Variants in LRP1B observed in about 807,000 individuals in gnomAD.
LRP1B encodes low-density lipoprotein receptor-related protein 1B.
Under a neutral mutation model 556.6 loss-of-function variants are expected in LRP1B, and 217 were observed. The observed-to-expected ratio is 0.39, with a 90% CI of 0.35 to 0.44. LRP1B has a LOEUF of 0.44. Among genes scored for constraint, LRP1B ranks in the 20% least tolerant of loss-of-function variants. The probability of loss-of-function intolerance (pLI) is 1.00; values close to 1 mark genes in which losing one functional copy is unlikely to be tolerated. For synonymous variants in LRP1B, 2,047 were observed against 1,865.8 expected (o/e 1.10, Z -2.50); for missense variants, 5,053 against 5,620.8 (o/e 0.90, Z 3.23).
intron 43 of LRP1B, among the ~76,000 whole-genome samples, chr2:140,554,323 C>T (rs913167714): frequency 2.7e-5 from 4 of 147,120 alleles, no homozygotes; most frequent in African/African-American, 8.0e-5. Context: ...ATTTTCTTGC[C>T]GTTATGTATG....
At chr2:141,864,580 CT>C (rs1292754748) in intron 1 of LRP1B, among the ~76,000 whole-genome samples, 1 of 135,572 alleles carries the variant, frequency 7.4e-6, no homozygotes. Context: ...AAAAAAAAAA[CT>C]TATGAAACTG....
rs183869729 is a variant in LRP1B at position 141,696,511 on chromosome 2, G to T, written c.205+113768C>A. On this transcript the variant is annotated intron_variant, in intron 2 of 90. Transcript: ENST00000389484. ...TCCACATTATTAATTCTGGTTTACC[G>T]TTCTGGACAATTTAAATTATTAACA... Among the ~76,000 whole-genome samples the T allele has an allele frequency of 2.5e-3, 383 of 151,846 alleles. 4 individuals are homozygous for T. The highest frequency in any genetic ancestry group is 5.2e-3 in the South Asian group (25 of 4,816).
intron 13 of LRP1B, among the ~76,000 whole-genome samples, chr2:141,014,270 A>C (rs1264560402): frequency 6.6e-6 from 1 of 152,088 alleles, no homozygotes; most frequent in Non-Finnish European, 1.5e-5. Flanking sequence ...GGCAGAAAAG[A>C]TGGTAAAGAT....
chr2:141,337,171 T>C (rs1687876960), intron 3 of LRP1B, among the ~76,000 whole-genome samples: 1 of 152,126 alleles, frequency 6.6e-6, no homozygotes, highest in Non-Finnish European at 1.5e-5. Context: ...AAAAGATGAG[T>C]TTCAATTGCT....
chr2:141,515,107 A>C (rs1427861516), intron 2 of LRP1B, among the ~76,000 whole-genome samples: 1 of 152,170 alleles, frequency 6.6e-6, no homozygotes, highest in Non-Finnish European at 1.5e-5. Flanking sequence ...GTTTGAGACC[A>C]GATTGACCAA....
chr2:140,508,509 A>T (rs2104911939), intron 52 of LRP1B, among the ~76,000 whole-genome samples: 1 of 152,310 alleles, frequency 6.6e-6, no homozygotes, highest in Non-Finnish European at 1.5e-5. Context: ...AAATATAATC[A>T]GGCATAATTT....
intron 1 of LRP1B, among the ~76,000 whole-genome samples, chr2:141,838,854 T>C (rs1697376167): frequency 6.6e-6 from 1 of 152,162 alleles, no homozygotes. Context: ...TAGTATTTGC[T>C]TTTTCCCTTC....
At chr2:140,526,208 A>C in intron 48 of LRP1B, 29 bp downstream of exon 48, 1 of 1,595,338 alleles carries the variant, frequency 6.3e-7, no homozygotes, top group Non-Finnish European at 8.6e-7. Flanking sequence ...CCCAAGCATA[A>C]ACAGACAAAA....
intron 2 of LRP1B, among the ~76,000 whole-genome samples, chr2:141,650,779 A>G (rs576227156): frequency 2.7e-5 from 4 of 150,838 alleles, no homozygotes; most frequent in East Asian, 1.9e-4. Context: ...AAACCAGGCT[A>G]TAGAATATAA....
At chr2:141,576,748 T>G (rs1156870369) in intron 2 of LRP1B, among the ~76,000 whole-genome samples, 1 of 105,690 alleles carries the variant, frequency 9.5e-6, no homozygotes, top group Non-Finnish European at 2.0e-5. Flanking sequence ...AGTGAGCCCC[T>G]GTCTCAAAAA....
chr2:141,022,384 TAG>T (rs1301908803), intron 11 of LRP1B, among the ~76,000 whole-genome samples: 2 of 152,010 alleles, frequency 1.3e-5, no homozygotes, highest in East Asian at 3.9e-4. Context: ...GGAATCTTTT[TAG>T]GTTATCTTTA....
At chr2:140,405,087 A>T (rs1487342473) in intron 66 of LRP1B, among the ~76,000 whole-genome samples, 1 of 152,212 alleles carries the variant, frequency 6.6e-6, no homozygotes, top group East Asian at 1.9e-4. Context: ...TCAAAACTAT[A>T]CAAATAAATT....
chr2:140,494,550 C>T (rs1223862488), intron 56 of LRP1B, among the ~76,000 whole-genome samples: 2 of 141,754 alleles, frequency 1.4e-5, no homozygotes, highest in East Asian at 2.1e-4. Context: ...GAGCTTGCAG[C>T]GAGCTAAGAT....
At chr2:141,232,008 C>G (rs556279330) in intron 5 of LRP1B, among the ~76,000 whole-genome samples, 1 of 152,256 alleles carries the variant, frequency 6.6e-6, no homozygotes, top group Non-Finnish European at 1.5e-5. Context: ...AAAACAAAGT[C>G]CTCTCAGAAG....
chr2:142,097,915 G>A (rs79481158), intron 1 of LRP1B, among the ~76,000 whole-genome samples: 9,123 of 151,554 alleles, frequency 0.06, 380 homozygotes, highest in Non-Finnish European at 0.092. Flanking sequence ...CTTTACAATC[G>A]TGTCATGAGA....
At chr2:140,787,280 C>A (rs1689938547) in intron 32 of LRP1B, among the ~76,000 whole-genome samples, 1 of 152,120 alleles carries the variant, frequency 6.6e-6, no homozygotes, top group African/African-American at 2.4e-5. Context: ...CATCTCTGTG[C>A]CATTTTGTGC....
At chr2:141,058,103 A>G (rs1558830977) in intron 9 of LRP1B, among the ~76,000 whole-genome samples, 1 of 151,938 alleles carries the variant, frequency 6.6e-6, no homozygotes, top group Non-Finnish European at 1.5e-5. Flanking sequence ...TTCCTGGAAC[A>G]TAGTAGATTG....
chr2:141,560,046 GC>G (rs1314930210), intron 2 of LRP1B, among the ~76,000 whole-genome samples: 1 of 151,502 alleles, frequency 6.6e-6, no homozygotes, highest in Non-Finnish European at 1.5e-5. Context: ...TATACCACCT[GC>G]CTTCTTAATT....
intron 41 of LRP1B, among the ~76,000 whole-genome samples, chr2:140,682,532 A>G (rs80093657): frequency 0.049 from 7,414 of 152,252 alleles, 270 homozygotes; most frequent in Middle Eastern, 0.099. Flanking sequence ...ACTGATGAGC[A>G]AGGCACAGTT....
Sources: allele counts gnomAD v4.1 joint callset (sites outside exome capture counted in the v4.1 genomes callset), GRCh38; gene constraint gnomAD v4.1.1; transcripts MANE v1.5; gene names NCBI Gene and HGNC (gene_info 2026-07-23, HGNC 2026-07-21).